CTNND2: variants seen among roughly 807,000 people sequenced by gnomAD.
CTNND2 encodes catenin delta-2.
CTNND2 carries 22 observed loss-of-function variants against 144.4 expected under a neutral mutation model. The observed-to-expected ratio is 0.15, with a 90% CI of 0.11 to 0.22. The LOEUF (loss-of-function observed/expected upper bound fraction) is 0.22. CTNND2 is among the 10% of genes least tolerant of loss of function. The pLI is 1.00. For synonymous variants in CTNND2, 751 were observed against 695.6 expected (o/e 1.08, Z -1.25); for missense variants, 1,353 against 1,618.8 (o/e 0.84, Z 2.82).
chr5:11,854,367 C>A (rs1795156889), intron 1 of CTNND2, among the ~76,000 whole-genome samples: 1 of 152,194 alleles, frequency 6.6e-6, no homozygotes, highest in Non-Finnish European at 1.5e-5. Context: ...TTACTCATTT[C>A]TGTTTGCTGT....
At chr5:11,651,236 C>G (rs1328759281) in intron 2 of CTNND2, among the ~76,000 whole-genome samples, 1 of 152,204 alleles carries the variant, frequency 6.6e-6, no homozygotes. Context: ...AGATACATCT[C>G]AGGCTGCTGC....
At chr5:11,788,006 G>A (rs1352503975) in intron 1 of CTNND2, among the ~76,000 whole-genome samples, 1 of 152,148 alleles carries the variant, frequency 6.6e-6, no homozygotes, top group East Asian at 1.9e-4. Context: ...AAGAATATAT[G>A]CTTAAAATCC....
At chr5:11,002,781 T>C (rs1270161455) in intron 18 of CTNND2, among the ~76,000 whole-genome samples, 29 of 152,230 alleles carry the variant, frequency 1.9e-4, no homozygotes, top group Admixed American at 1.9e-3. Flanking sequence ...ATGGTCAATG[T>C]TGATGTTTCT....
At chr5:11,754,726 T>C (rs1462794140) in intron 1 of CTNND2, among the ~76,000 whole-genome samples, 2 of 151,858 alleles carry the variant, frequency 1.3e-5, no homozygotes, top group African/African-American at 4.8e-5. Flanking sequence ...TTTGTCTGTT[T>C]TGATTGTTGT....
At position 11,058,256 on chromosome 5, in the gene CTNND2, C is replaced by T. The variant is rs112296816; in HGVS notation, c.2788+24440G>A. 1.2e-3 allele frequency among the ~76,000 whole-genome samples: 176 copies of T among 152,344 alleles called. 1 individual carries two copies. Among genetic ancestry groups the T allele is most frequent in the African/African-American group, 3.9e-3 (164 of 41,586 alleles). On this transcript the variant is annotated intron_variant, in intron 16 of 21. Transcript: ENST00000304623. ...GTCTTCACAGCAGCACCTCCCACCACAGGCCTGGAGGCCTAGGAGGAAAAA... is the reference window on the plus strand; with the variant it reads ...GTCTTCACAGCAGCACCTCCCACCATAGGCCTGGAGGCCTAGGAGGAAAAA...
At chr5:11,860,451 T>C (rs1795449071) in intron 1 of CTNND2, among the ~76,000 whole-genome samples, 1 of 152,238 alleles carries the variant, frequency 6.6e-6, no homozygotes, top group Admixed American at 6.5e-5. Context: ...CTAAGTACTG[T>C]TAAGCTCATC....
chr5:11,784,901 G>T (rs1487834532), intron 1 of CTNND2, among the ~76,000 whole-genome samples: 1 of 152,172 alleles, frequency 6.6e-6, no homozygotes, highest in Non-Finnish European at 1.5e-5. Flanking sequence ...GCCAAGCCTG[G>T]ACTTCTGACC....
chr5:11,322,470 G>C (rs537131555), intron 9 of CTNND2, among the ~76,000 whole-genome samples: 2 of 152,146 alleles, frequency 1.3e-5, no homozygotes, highest in African/African-American at 4.8e-5. Context: ...AAAAAGACTG[G>C]TGATATAAAT....
chr5:11,567,362 T>C (rs892307658), intron 2 of CTNND2, among the ~76,000 whole-genome samples: 1 of 152,184 alleles, frequency 6.6e-6, no homozygotes, highest in Non-Finnish European at 1.5e-5. Context: ...GTTATTCAGC[T>C]TGGATATCTG....
intron 9 of CTNND2, among the ~76,000 whole-genome samples, chr5:11,275,564 G>C (rs945419694): frequency 2.6e-5 from 4 of 152,202 alleles, no homozygotes; most frequent in African/African-American, 9.7e-5. Context: ...ACTCTGAGTT[G>C]CTCTGTTAAT....
At position 11,153,654 on chromosome 5, in the gene CTNND2, C is replaced by T. The variant is rs190736307; in HGVS notation, c.2159+5922G>A. On this transcript the variant is annotated intron_variant, in intron 12 of 21. Transcript: ENST00000304623. ...TTGAGGGTCTGAGTTTAATTACAAT[C>T]GTAAGCAAAGGCACAGTGCAGATAC... is the stretch of plus-strand genomic sequence containing the variant. Among the ~76,000 whole-genome samples the T allele has an allele frequency of 2.4e-3, 366 of 152,190 alleles. 3 individuals carry two copies. The highest frequency in any genetic ancestry group is 8.3e-3 in the African/African-American group (343 of 41,504).
At chr5:11,815,638 C>T (rs781173344) in intron 1 of CTNND2, among the ~76,000 whole-genome samples, 5 of 151,888 alleles carry the variant, frequency 3.3e-5, no homozygotes, top group Admixed American at 2.0e-4. Context: ...TGATAGATCT[C>T]GTAAAATCAA....
At chr5:11,595,698 C>T (rs985768178) in intron 2 of CTNND2, among the ~76,000 whole-genome samples, 1 of 152,122 alleles carries the variant, frequency 6.6e-6, no homozygotes, top group African/African-American at 2.4e-5. Flanking sequence ...CATTGGCATA[C>T]CTGATGTTGT....
intron 3 of CTNND2, among the ~76,000 whole-genome samples, chr5:11,480,690 A>G (rs1032691126): frequency 7.5e-6 from 1 of 133,248 alleles, no homozygotes; most frequent in Non-Finnish European, 1.6e-5. Flanking sequence ...GCATATAATT[A>G]GAGGTTATAA....
At chr5:11,515,111 C>A (rs1259282328) in intron 3 of CTNND2, among the ~76,000 whole-genome samples, 59 of 135,506 alleles carry the variant, frequency 4.4e-4, no homozygotes, top group African/African-American at 4.9e-4. Flanking sequence ...TAATGCACAC[C>A]AAAAAAAAAA....
chr5:11,257,116 T>C (rs1006322014), intron 9 of CTNND2, among the ~76,000 whole-genome samples: 7 of 152,226 alleles, frequency 4.6e-5, no homozygotes, highest in African/African-American at 7.2e-5. Flanking sequence ...ACATAGACCT[T>C]TGTTGGCTTA....
chr5:11,498,698 G>A lies in CTNND2; in HGVS notation c.287+66246C>T, dbSNP rs376881420. On this transcript the variant is annotated intron_variant, in intron 3 of 21. Transcript: ENST00000304623. ...GTTAAAGCTGCTGCTTTGGCCCTTC[G>A]CGTATAGCTAGATAATTTTTATATT... Among the ~76,000 whole-genome samples, 3 of 152,228 alleles carry A rather than the reference G, an allele frequency of 2.0e-5. No individual in the cohort carries two copies. The East Asian group carries it at 5.8e-4, about 29-fold the overall frequency.
intron 11 of CTNND2, among the ~76,000 whole-genome samples, chr5:11,181,794 GGTGT>G (rs1243790233): frequency 6.8e-6 from 1 of 147,396 alleles, no homozygotes; most frequent in Non-Finnish European, 1.5e-5. Context: ...GTGTCTGTGT[GGTGT>G]GTGTGTGGTG....
chr5:11,182,316 G>A (rs970901281), intron 11 of CTNND2, among the ~76,000 whole-genome samples: 2 of 152,066 alleles, frequency 1.3e-5, no homozygotes, highest in East Asian at 3.9e-4. Flanking sequence ...GTCTGTGTGG[G>A]TATGCCTACA....
Sources: allele counts gnomAD v4.1 joint callset (sites outside exome capture counted in the v4.1 genomes callset), GRCh38; gene constraint gnomAD v4.1.1; transcripts MANE v1.5; gene names NCBI Gene and HGNC (gene_info 2026-07-23, HGNC 2026-07-21).